Variants in TMLHE observed in about 807,000 individuals in gnomAD.
TMLHE encodes trimethyllysine hydroxylase, epsilon.
In TMLHE, 18 loss-of-function variants were observed where a neutral mutation model predicts 25.7. The observed-to-expected ratio is 0.70, with a 90% CI of 0.48 to 1.04. The LOEUF is 1.04. Among genes scored for constraint, TMLHE ranks in the 50% least tolerant of loss-of-function variants. The pLI, the probability that TMLHE is intolerant of heterozygous loss-of-function variation, is 0.00. For synonymous variants in TMLHE, 105 were observed against 97.0 expected (o/e 1.08, Z -0.49); for missense variants, 236 against 259.0 (o/e 0.91, Z 0.61).
chrX:155,556,865 C>T (rs2067460417), intron 1 of TMLHE, among the ~76,000 whole-genome samples: 1 of 111,523 alleles, frequency 9.0e-6, no homozygotes, highest in African/African-American at 3.3e-5. Flanking sequence ...AGTTCAGAGA[C>T]CTACCCCTAG....
At chrX:155,548,270 C>T (rs782570210) in intron 1 of TMLHE, among the ~76,000 whole-genome samples, 3 of 111,642 alleles carry the variant, frequency 2.7e-5, no homozygotes, top group Non-Finnish European at 3.8e-5. Context: ...TAAAAAGCTA[C>T]TGTACATCAA....
chrX:155,542,203 TC>T (rs2124405783), intron 2 of TMLHE, among the ~76,000 whole-genome samples: 1 of 111,678 alleles, frequency 9.0e-6, no homozygotes, highest in East Asian at 2.8e-4. Flanking sequence ...CTTTAATCCA[TC>T]TTGAGTTAAT....
Position 155,584,701 on chromosome X carries a change from T to C in TMLHE, c.-2+28091A>G, listed in dbSNP as rs372632642. ...AGAAGTCTTACAGGACAGGAAAGAA[T>C]GAGATGATGTATTCAATGTCCTGAA... is the stretch of plus-strand genomic sequence containing the variant. On this transcript the variant is annotated intron_variant, in intron 1 of 7. Coordinates refer to ENST00000334398, the MANE Select transcript of TMLHE (RefSeq NM_018196.4). Among the ~76,000 whole-genome samples, 3 of 110,224 alleles carry C rather than the reference T, an allele frequency of 2.7e-5. No homozygotes were observed. In the South Asian group the frequency reaches 1.2e-3, roughly 43 times the overall value.
In TMLHE at chrX:155,518,935, C is replaced by T. The variant is rs1482487709; in HGVS notation, c.359-4670G>A. ...TTTTTTTCTTTATTAGTCTTGCTAG[C>T]GGTCTATCAATTTTGTTGATCTTTT... On this transcript the variant is annotated intron_variant, in intron 3 of 7. Coordinates refer to ENST00000334398, the MANE Select transcript of TMLHE (RefSeq NM_018196.4). Among the ~76,000 whole-genome samples the T allele has an allele frequency of 3.2e-4, 14 of 43,427 alleles. 2 individuals carry two copies. The highest frequency in any genetic ancestry group is 7.7e-4 in the African/African-American group (14 of 18,198). The allele number at this position is 43,427 out of a possible 115,157, so 37.7% of individuals were successfully genotyped here.
chrX:155,547,432 C>T (rs1015165892), intron 1 of TMLHE, among the ~76,000 whole-genome samples: 26 of 111,912 alleles, frequency 2.3e-4, no homozygotes, highest in Non-Finnish European at 4.7e-4. Context: ...CGTGAGCCAC[C>T]ACGACCAGCT....
chrX:155,589,339 T>C (rs1557345661), intron 1 of TMLHE, among the ~76,000 whole-genome samples: 1 of 110,609 alleles, frequency 9.0e-6, no homozygotes, highest in Non-Finnish European at 1.9e-5. Context: ...TTCCAGCTAC[T>C]CTCGGGAGGC....
intron 4 of TMLHE, among the ~76,000 whole-genome samples, chrX:155,513,372 G>A (rs2124339036): frequency 9.0e-6 from 1 of 111,590 alleles, no homozygotes; most frequent in South Asian, 3.8e-4. Flanking sequence ...TCCTGGGCAA[G>A]ACACTTGGTA....
chrX:155,536,998 A>G (rs1222784517), intron 2 of TMLHE, among the ~76,000 whole-genome samples: 1 of 112,123 alleles, frequency 8.9e-6, no homozygotes, highest in African/African-American at 3.2e-5. Context: ...CCCACATTTA[A>G]TCAATCACCA....
chrX:155,602,971 T>G (rs1461186768), intron 1 of TMLHE, among the ~76,000 whole-genome samples: 1 of 111,849 alleles, frequency 8.9e-6, no homozygotes, highest in Non-Finnish European at 1.9e-5. Flanking sequence ...GATTGAAAAA[T>G]CCAATACTGT....
At chrX:155,518,683 T>C (rs1430694335) in intron 3 of TMLHE, among the ~76,000 whole-genome samples, 1,036 of 84,749 alleles carry the variant, frequency 0.012, 12 homozygotes, top group African/African-American at 0.036. Context: ...TATTGATTAT[T>C]GCCACAATTT....
chrX:155,533,276 G>A (rs1485809405), intron 2 of TMLHE, among the ~76,000 whole-genome samples: 3 of 111,123 alleles, frequency 2.7e-5, no homozygotes, highest in African/African-American at 9.8e-5. Context: ...AGGTTTCCTG[G>A]GTCTCAAGCT....
chrX:155,509,568 GC>G (rs782768873), intron 5 of TMLHE, among the ~76,000 whole-genome samples: 1 of 111,765 alleles, frequency 8.9e-6, no homozygotes, highest in African/African-American at 3.2e-5. Flanking sequence ...CTGTACAGCT[GC>G]TTCTTATCTC....
At chrX:155,525,216 G>A in intron 2 of TMLHE, among the ~76,000 whole-genome samples, 1 of 111,130 alleles carries the variant, frequency 9.0e-6, no homozygotes. Context: ...TGGATCATGG[G>A]GGCAAATTTC....
intron 2 of TMLHE, among the ~76,000 whole-genome samples, chrX:155,525,461 T>A (rs1423592406): frequency 1.2e-4 from 13 of 112,183 alleles, no homozygotes; most frequent in African/African-American, 3.6e-4. Context: ...AGTTTCAGGT[T>A]GTTCTTTATA....
intron 2 of TMLHE, among the ~76,000 whole-genome samples, chrX:155,542,691 G>T (rs1166665056): frequency 9.0e-6 from 1 of 111,658 alleles, no homozygotes; most frequent in Non-Finnish European, 1.9e-5. Context: ...GGATCATTTT[G>T]CTGGATATAT....
intron 1 of TMLHE, among the ~76,000 whole-genome samples, chrX:155,603,129 G>C (rs1173990681): frequency 9.0e-6 from 1 of 111,333 alleles, no homozygotes; most frequent in Non-Finnish European, 1.9e-5. Context: ...AAGAGTTTGA[G>C]ACCAGCCTGG....
At chrX:155,576,550 A>C (rs1262403597) in intron 1 of TMLHE, among the ~76,000 whole-genome samples, 1 of 112,054 alleles carries the variant, frequency 8.9e-6, no homozygotes, top group East Asian at 2.8e-4. Flanking sequence ...GACTAGCCAA[A>C]ACAATCGTAA....
chrX:155,511,651 T>G (rs781884757), intron 5 of TMLHE, 22 bp downstream of exon 5: 1 of 1,175,546 alleles, frequency 8.5e-7, no homozygotes, highest in South Asian at 2.0e-5. Context: ...GACTTTACAC[T>G]GTAAAAGTCT....
intron 1 of TMLHE, among the ~76,000 whole-genome samples, chrX:155,588,176 A>ATT (rs1285245092): frequency 4.5e-5 from 5 of 112,222 alleles, no homozygotes; most frequent in African/African-American, 1.6e-4. Flanking sequence ...GGAACAGAAT[A>ATT]GAGAGTCTAG....
Sources: allele counts gnomAD v4.1 joint callset (sites outside exome capture counted in the v4.1 genomes callset), GRCh38; gene constraint gnomAD v4.1.1; transcripts MANE v1.5; gene names NCBI Gene and HGNC (gene_info 2026-07-23, HGNC 2026-07-21).